ATRNL1: variants seen among roughly 807,000 people sequenced by gnomAD.
ATRNL1 encodes the protein attractin like 1.
A neutral mutation model predicts 182.7 loss-of-function variants in ATRNL1; 95 were observed. The ratio of observed to expected loss-of-function variants is 0.52; its 90% CI spans 0.44 to 0.62. The LOEUF is 0.62. Among genes scored for constraint, ATRNL1 ranks in the 20% least tolerant of loss-of-function variants. ATRNL1 has a pLI of 0.00. For missense variants in ATRNL1, 1,471 were observed against 1,679.5 expected, an observed-to-expected ratio of 0.88 and a Z score of 2.17; for synonymous variants, 576 against 568.3, an observed-to-expected ratio of 1.01 and a Z score of -0.19.
chr10:115,251,319 T>C (rs778064911), intron 10 of ATRNL1, among the ~76,000 whole-genome samples: 11 of 152,166 alleles, frequency 7.2e-5, no homozygotes, highest in Middle Eastern at 3.2e-3. Flanking sequence ...GGATAAAAGC[T>C]CCCAGAGGCT....
At chr10:115,531,042 G>T (rs1359284231) in intron 25 of ATRNL1, among the ~76,000 whole-genome samples, 1 of 152,140 alleles carries the variant, frequency 6.6e-6, no homozygotes, top group Admixed American at 6.5e-5. Context: ...GGACATTTGG[G>T]TTGGTTCCAA....
intron 8 of ATRNL1, among the ~76,000 whole-genome samples, chr10:115,202,722 G>A (rs1164714616): frequency 2.1e-5 from 3 of 145,068 alleles, no homozygotes; most frequent in Non-Finnish European, 3.0e-5. Flanking sequence ...GCCCGGCTTT[G>A]GTATCAGGAT....
At chr10:115,716,737 G>T (rs1258398902) in intron 26 of ATRNL1, among the ~76,000 whole-genome samples, 1 of 152,116 alleles carries the variant, frequency 6.6e-6, no homozygotes, top group African/African-American at 2.4e-5. Flanking sequence ...TTCTATTGTA[G>T]TCAGATGCTT....
At chr10:115,832,786 A>G (rs782356801) in intron 27 of ATRNL1, among the ~76,000 whole-genome samples, 1 of 152,108 alleles carries the variant, frequency 6.6e-6, no homozygotes, top group Non-Finnish European at 1.5e-5. Flanking sequence ...TGCTTGCTTC[A>G]AAGCCACCCC....
At chr10:115,649,879 A>G (rs1859874712) in intron 26 of ATRNL1, among the ~76,000 whole-genome samples, 1 of 152,122 alleles carries the variant, frequency 6.6e-6, no homozygotes, top group Non-Finnish European at 1.5e-5. Flanking sequence ...TAAATGAATT[A>G]TCAGCTGAAT....
At chr10:115,495,742 T>C (rs182195165) in intron 24 of ATRNL1, among the ~76,000 whole-genome samples, 1 of 152,140 alleles carries the variant, frequency 6.6e-6, no homozygotes, top group African/African-American at 2.4e-5. Context: ...TTATGGCCAG[T>C]TGTGTGGTCA....
rs550078123 is a variant in ATRNL1 at position 115,356,860 on chromosome 10, G to A, written c.3175+22441G>A. ...GTTTACAAGTTTTTGACAATGAAGT[G>A]TGTCATTTACTTGCTTTCTTTTCAG... On this transcript the variant is annotated intron_variant, in intron 19 of 28. Coordinates refer to ENST00000355044, the MANE Select transcript of ATRNL1 (RefSeq NM_207303.4). Among the ~76,000 whole-genome samples the A allele has an allele frequency of 9.5e-4, 145 of 152,044 alleles. 2 individuals carry two copies. The South Asian group carries it at 0.029, about 31-fold the overall frequency.
At chr10:115,161,265 G>A (rs578156150) in intron 6 of ATRNL1, among the ~76,000 whole-genome samples, 3 of 151,990 alleles carry the variant, frequency 2.0e-5, no homozygotes, top group South Asian at 2.1e-4. Context: ...TTAGAAAATC[G>A]AATAAATTCT....
At chr10:115,137,841 G>A (rs999674264) in intron 5 of ATRNL1, among the ~76,000 whole-genome samples, 5 of 152,090 alleles carry the variant, frequency 3.3e-5, no homozygotes, top group East Asian at 1.9e-4. Context: ...ACAGTCCCCC[G>A]AAGTCATAAC....
chr10:115,704,629 A>G (rs1277089848), intron 26 of ATRNL1, among the ~76,000 whole-genome samples: 2 of 151,916 alleles, frequency 1.3e-5, no homozygotes, highest in Non-Finnish European at 1.5e-5. Flanking sequence ...TCCTTAAACT[A>G]AAATTTTTAA....
intron 26 of ATRNL1, among the ~76,000 whole-genome samples, chr10:115,639,815 TG>T (rs1308380721): frequency 6.6e-6 from 1 of 152,032 alleles, no homozygotes; most frequent in African/African-American, 2.4e-5. Context: ...TCAATTTTTT[TG>T]ATTATACTTT....
chr10:115,756,171 G>A (rs1442490600), intron 27 of ATRNL1, among the ~76,000 whole-genome samples: 11 of 151,934 alleles, frequency 7.2e-5, no homozygotes, highest in Admixed American at 7.2e-4. Context: ...ATCTCCTTCA[G>A]TTCTGCTCTG....
chr10:115,918,084 C>T (rs1555117821), intron 28 of ATRNL1, among the ~76,000 whole-genome samples: 1 of 142,656 alleles, frequency 7.0e-6, no homozygotes, highest in African/African-American at 2.6e-5. Context: ...TTACAGCAAT[C>T]TATTTTTTAG....
chr10:115,696,904 C>A (rs533211769), intron 26 of ATRNL1, among the ~76,000 whole-genome samples: 4,316 of 132,800 alleles, frequency 0.033, 223 homozygotes, highest in African/African-American at 0.11. Flanking sequence ...AGAGAGCGAG[C>A]GAGCTAGGGG....
At chr10:115,667,962 G>T (rs1162490216) in intron 26 of ATRNL1, among the ~76,000 whole-genome samples, 2 of 152,118 alleles carry the variant, frequency 1.3e-5, no homozygotes, top group Non-Finnish European at 2.9e-5. Context: ...ACCACACCTG[G>T]ACCATCACTG....
chr10:115,594,732 T>A (rs2769399), intron 26 of ATRNL1, among the ~76,000 whole-genome samples: 72,407 of 151,986 alleles, frequency 0.48, 18,715 homozygotes, highest in East Asian at 0.84. Flanking sequence ...CTTAAACTCC[T>A]GACTTCAAGT....
chr10:115,637,119 G>A (rs1858924070), intron 26 of ATRNL1, among the ~76,000 whole-genome samples: 1 of 152,192 alleles, frequency 6.6e-6, no homozygotes, highest in South Asian at 2.1e-4. Context: ...AGAGAAGAAT[G>A]TCCATGGTGT....
chr10:115,714,874 G>A (rs1460766552), intron 26 of ATRNL1, among the ~76,000 whole-genome samples: 1 of 152,174 alleles, frequency 6.6e-6, no homozygotes, highest in Admixed American at 6.5e-5. Flanking sequence ...AATATATTTG[G>A]TGAAAGTTAA....
chr10:115,348,811 A>G (rs1037178459), intron 19 of ATRNL1, among the ~76,000 whole-genome samples: 4 of 152,140 alleles, frequency 2.6e-5, no homozygotes, highest in Non-Finnish European at 4.4e-5. Flanking sequence ...TCATTTCTTC[A>G]ATATTTAAAA....
Sources: gnomAD v4.1 joint callset for allele counts (sites outside exome capture counted in the v4.1 genomes callset) on GRCh38, gnomAD v4.1.1 for gene constraint, MANE v1.5 for transcripts, NCBI Gene and HGNC (gene_info 2026-07-23, HGNC 2026-07-21) for gene names.